Variants in CLTRN observed in about 807,000 individuals in gnomAD.
The protein encoded by CLTRN is collectrin.
CLTRN carries 12 observed loss-of-function variants against 14.5 expected under a neutral mutation model. The observed-to-expected ratio is 0.83, with a 90% CI of 0.53 to 1.34. The LOEUF is 1.34. Among genes scored for constraint, CLTRN ranks in the 40% most tolerant of loss-of-function variants. CLTRN has a pLI of 0.00. For missense variants in CLTRN, 154 were observed against 165.1 expected (o/e 0.93, Z 0.37); for synonymous variants, 58 against 56.5 (o/e 1.03, Z -0.12).
rs745828157 is a variant in CLTRN at position 15,639,743 on chromosome X, G to A, written c.331C>T (p.Arg111Trp). The change falls in exon 5 of 6, where the codon CGG becomes TGG. Residue 111 changes from arginine (R) to tryptophan (W), a missense_variant. Physicochemically the swap from Arg to Trp is moderately radical, Grantham distance 101. Coordinates refer to ENST00000380342, the MANE Select transcript of CLTRN (RefSeq NM_020665.6). The part of the protein sequence containing the change: ...VQSAIRMNKN[R>W]INNAFFLNDQ... Reference sequence around the variant, plus strand: ...TTTAGAAAGAAGGCATTGTTGATCCGGTTCTTGTTCATTCTAAAATGCAAT... The same window carrying A: ...TTTAGAAAGAAGGCATTGTTGATCCAGTTCTTGTTCATTCTAAAATGCAAT... 7.9e-5 allele frequency: 94 copies of A among 1,197,269 alleles called. No individual in the cohort carries two copies. In the South Asian group the frequency reaches 1.6e-3, roughly 20 times the overall value.
upstream of CLTRN, among the ~76,000 whole-genome samples, chrX:15,669,149 A>T (rs1219578151): frequency 1.8e-5 from 2 of 111,944 alleles, no homozygotes; most frequent in African/African-American, 3.2e-5. Context: ...AGTAAAATAA[A>T]TGGAAAACAG....
At chrX:15,641,768 G>A (rs1176542951) in intron 4 of CLTRN, among the ~76,000 whole-genome samples, 2 of 110,358 alleles carry the variant, frequency 1.8e-5, no homozygotes, top group Non-Finnish European at 3.8e-5. Flanking sequence ...TACACTGTGA[G>A]CACACCTGAC....
chrX:15,657,236 G>C, intron 3 of CLTRN, among the ~76,000 whole-genome samples: 1 of 112,316 alleles, frequency 8.9e-6, no homozygotes, highest in South Asian at 3.7e-4. Context: ...CTGGGCTCAA[G>C]TGATCTGCCT....
chrX:15,657,183 G>A (rs944946697), intron 3 of CLTRN, among the ~76,000 whole-genome samples: 1 of 111,030 alleles, frequency 9.0e-6, no homozygotes, highest in Non-Finnish European at 1.9e-5. Context: ...TAGAAACGAG[G>A]TTTTGCCATG....
intron 4 of CLTRN, among the ~76,000 whole-genome samples, chrX:15,641,906 G>A (rs1053928398): frequency 9.0e-6 from 1 of 110,881 alleles, no homozygotes; most frequent in African/African-American, 3.3e-5. Context: ...AGGCTATCAG[G>A]AAAGACCCCC....
At chrX:15,656,086 A>G (rs1929353171) in intron 3 of CLTRN, among the ~76,000 whole-genome samples, 2 of 111,113 alleles carry the variant, frequency 1.8e-5, no homozygotes, top group Admixed American at 1.9e-4. Context: ...GCAAGCCCAC[A>G]CCCTCAGCCT....
intron 2 of CLTRN, among the ~76,000 whole-genome samples, chrX:15,662,649 A>G (rs759984353): frequency 9.0e-6 from 1 of 111,470 alleles, no homozygotes; most frequent in Non-Finnish European, 1.9e-5. Context: ...TTGTCCACAC[A>G]TCTGTTTCAA....
chrX:15,646,458 A>ACCCAACCCCCCCCCC, intron 3 of CLTRN: 1 of 228,796 alleles, frequency 4.4e-6, no homozygotes, highest in South Asian at 3.9e-5. Flanking sequence ...AAAACCGCGC[A>ACCCAACCCCCCCCCC]CCCACCCCCC....
At chrX:15,671,842 GCGCACACA>G (rs1236543624) in intron 1 of CLTRN, among the ~76,000 whole-genome samples, 1 of 59,389 alleles carries the variant, frequency 1.7e-5, no homozygotes, top group African/African-American at 8.9e-5. Flanking sequence ...AATTTTATGC[GCGCACACA>G]CACACACACA....
intron 3 of CLTRN, among the ~76,000 whole-genome samples, chrX:15,655,047 C>A (rs1250855958): frequency 8.9e-6 from 1 of 112,171 alleles, no homozygotes; most frequent in Non-Finnish European, 1.9e-5. Flanking sequence ...CCAGGCCAGT[C>A]TAACCAAAAC....
chrX:15,648,809 CA>C (rs112310736), intron 3 of CLTRN, among the ~76,000 whole-genome samples: 28,813 of 96,453 alleles, frequency 0.3, 3,458 homozygotes, highest in East Asian at 0.53. Context: ...GACTCCGTCT[CA>C]AAAAAAAAAA....
intron 4 of CLTRN, among the ~76,000 whole-genome samples, chrX:15,644,537 CTTTT>C (rs1199201068): frequency 9.0e-6 from 1 of 110,966 alleles, no homozygotes; most frequent in Admixed American, 9.6e-5. Flanking sequence ...ATGATTTTAC[CTTTT>C]TTTAAAAAAA....
intron 3 of CLTRN, among the ~76,000 whole-genome samples, chrX:15,648,076 G>T (rs1185617914): frequency 2.1e-5 from 2 of 95,459 alleles, no homozygotes; most frequent in Non-Finnish European, 4.2e-5. Flanking sequence ...CTCTGGAATG[G>T]CATTTGGAAG....
intron 2 of CLTRN, among the ~76,000 whole-genome samples, chrX:15,661,651 C>T (rs1377177977): frequency 8.9e-6 from 1 of 112,261 alleles, no homozygotes; most frequent in Non-Finnish European, 1.9e-5. Flanking sequence ...TAAAGCTAAA[C>T]ATTTGTATAC....
In CLTRN at chrX:15,638,477, T is replaced by C. The variant is rs1601722740; in HGVS notation, c.512+1085A>G. 5.3e-5 allele frequency among the ~76,000 whole-genome samples: 6 copies of C among 112,300 alleles called. No individual in the cohort carries two copies. The Admixed American group carries it at 5.7e-4, about 11-fold the overall frequency. On this transcript the variant is annotated intron_variant, in intron 5 of 5. Transcript: ENST00000380342. ...AGAGGAGCATTTAGTCAACACATAC[T>C]TACTTAGCCAAACACATCCCACATG... is the stretch of plus-strand genomic sequence containing the variant.
chrX:15,648,632 G>A (rs1251383301), intron 3 of CLTRN, among the ~76,000 whole-genome samples: 1 of 111,001 alleles, frequency 9.0e-6, no homozygotes, highest in Non-Finnish European at 1.9e-5. Flanking sequence ...CCAGCATGGT[G>A]AAACCCCATC....
intron 2 of CLTRN, among the ~76,000 whole-genome samples, 195 bp from the exon 3 acceptor site, chrX:15,659,296 G>C (rs1342487497): frequency 9.1e-6 from 1 of 110,484 alleles, no homozygotes; most frequent in Non-Finnish European, 1.9e-5. Flanking sequence ...GGGTTTCTTG[G>C]ACATTCTAAG....
At chrX:15,645,713 G>C (rs1322558626) in intron 3 of CLTRN, among the ~76,000 whole-genome samples, 1 of 112,226 alleles carries the variant, frequency 8.9e-6, no homozygotes, top group Non-Finnish European at 1.9e-5. Flanking sequence ...TGTATTACAA[G>C]TGAAAGGGGA....
intron 5 of CLTRN, among the ~76,000 whole-genome samples, chrX:15,632,836 A>G (rs1306644043): frequency 1.0e-5 from 1 of 98,605 alleles, no homozygotes; most frequent in Admixed American, 1.1e-4. Flanking sequence ...GTGAGCCAAG[A>G]TCTTGCCACT....
Sources: allele counts gnomAD v4.1 joint callset (sites outside exome capture counted in the v4.1 genomes callset), GRCh38; gene constraint gnomAD v4.1.1; transcripts MANE v1.5; gene names NCBI Gene and HGNC (gene_info 2026-07-23, HGNC 2026-07-21).